Variants in FAT1 observed in about 807,000 individuals in gnomAD.
The protein encoded by FAT1 is protocadherin Fat 1.
Under a neutral mutation model 329.8 loss-of-function variants are expected in FAT1, and 171 were observed. The ratio of observed to expected loss-of-function variants is 0.52; its 90% CI spans 0.46 to 0.59. The LOEUF (loss-of-function observed/expected upper bound fraction) is 0.59, where lower values mean the gene tolerates loss of function less well. Ranked by LOEUF, FAT1 falls within the 20% of genes least tolerant of loss-of-function variation. The pLI is 0.00. For synonymous variants in FAT1, 2,233 were observed against 2,228.6 expected, an observed-to-expected ratio of 1.00 and a Z score of -0.06; for missense variants, 5,672 against 5,774.4, an observed-to-expected ratio of 0.98 and a Z score of 0.57.
At chr4:186,698,416 C>T (rs997696) in intron 2 of FAT1, among the ~76,000 whole-genome samples, 1 of 152,114 alleles carries the variant, frequency 6.6e-6, no homozygotes, top group Admixed American at 6.5e-5. Flanking sequence ...CAAAGACTTA[C>T]GTGCGCCCAC....
chr4:186,610,837 T>C (rs925322406), intron 14 of FAT1, among the ~76,000 whole-genome samples: 2 of 151,452 alleles, frequency 1.3e-5, no homozygotes, highest in African/African-American at 2.4e-5. Flanking sequence ...TGATGAAGCA[T>C]TCACGCAGCA....
At chr4:186,604,643 C>T in intron 17 of FAT1, 69 bp from the exon 18 acceptor site, 2 of 975,956 alleles carry the variant, frequency 2.0e-6, no homozygotes, top group Non-Finnish European at 3.0e-6. Context: ...GGGACAGACA[C>T]ATGAGTTTTC....
At chr4:186,598,192 A>G (rs2126404170) in intron 22 of FAT1, 67 bp from the exon 23 acceptor site, 1 of 1,371,532 alleles carries the variant, frequency 7.3e-7, no homozygotes, top group Non-Finnish European at 9.8e-7. Flanking sequence ...TCTTAATTAT[A>G]TTGCTTTTTA....
chr4:186,627,340 C>T (rs1212508247), intron 9 of FAT1, among the ~76,000 whole-genome samples: 2 of 152,124 alleles, frequency 1.3e-5, no homozygotes, highest in Non-Finnish European at 2.9e-5. Flanking sequence ...AACATGGCAC[C>T]TGACACATAA....
chr4:186,598,107 C>T lies in FAT1; in HGVS notation c.12122G>A (p.Ser4041Asn), dbSNP rs2126403353. ...ACAGTGGGTCCCTATGTACAAGGCA[C>T]TGCATTTGCAGTAATAACCTAAATC... ...SPAGGYYCKC[S>N]ALYIGTHCEI... is the part of the protein sequence containing the mutation. Residue 4041 changes from serine (S) to asparagine (N), a missense_variant, in exon 23 of 27, where the codon AGT (serine) becomes AAT (asparagine). Coordinates refer to ENST00000441802, the MANE Select transcript of FAT1 (RefSeq NM_005245.4). 2 of 1,608,866 alleles carry T rather than the reference C, an allele frequency of 1.2e-6. No individual in the cohort carries two copies. Among genetic ancestry groups the T allele is most frequent in the African/African-American group, 1.3e-5 (1 of 74,762 alleles).
At chr4:186,634,332 T>C (rs1579360381) in intron 6 of FAT1, among the ~76,000 whole-genome samples, 1 of 152,344 alleles carries the variant, frequency 6.6e-6, no homozygotes, top group East Asian at 1.9e-4. Flanking sequence ...TTTTCTCATT[T>C]TTGACAAACA....
chr4:186,707,529 T>C lies in FAT1; in HGVS notation c.2299A>G (p.Ile767Val), dbSNP rs2126689312. ...TTCAGCATTCCTGTTTCCATATCAA[T>C]CATGAAGCAACTATCCTCATTTCCT... ...SGGNEDSCFM[I>V]DMETGMLKIL... The change falls in exon 2 of 27, where the codon ATT (isoleucine) becomes GTT (valine). Residue 767 changes from isoleucine to valine, a missense_variant. Physicochemically the swap from Ile to Val is conservative, Grantham distance 29. Coordinates refer to ENST00000441802, the MANE Select transcript of FAT1 (RefSeq NM_005245.4). The C allele has an allele frequency of 8.7e-6, 14 of 1,614,010 alleles. No individual in the cohort carries two copies. The highest frequency in any genetic ancestry group is 1.2e-5 in the Non-Finnish European group (14 of 1,179,890).
chr4:186,688,674 C>T (rs1743605394), intron 2 of FAT1, among the ~76,000 whole-genome samples: 1 of 126,150 alleles, frequency 7.9e-6, no homozygotes, highest in Admixed American at 8.5e-5. Context: ...AAAAAACACA[C>T]ACCCTTCAGC....
At position 186,593,456 on chromosome 4, in the gene FAT1, G is replaced by A. The variant is rs77628973; in HGVS notation, c.13138+2233C>T. Among the ~76,000 whole-genome samples, 552 of 152,320 alleles carry A rather than the reference G, an allele frequency of 3.6e-3. 5 individuals are homozygous for A. Among genetic ancestry groups the A allele is most frequent in the African/African-American group, 0.013 (520 of 41,572 alleles). On this transcript the variant is annotated intron_variant, in intron 26 of 26. Coordinates refer to ENST00000441802, the MANE Select transcript of FAT1 (RefSeq NM_005245.4). The stretch of plus-strand genomic sequence containing the variant: ...GTCCACGTCCTAATCCCAGGAGCCT[G>A]TGAATATGTCACTATACATGGCAAA...
At position 186,595,800 on chromosome 4, in the gene FAT1, G is replaced by A. The variant is rs1261546277; in HGVS notation, c.13027C>T (p.Leu4343Phe). 1 of 1,613,972 alleles carries A rather than the reference G, an allele frequency of 6.2e-7. No homozygotes were observed. The highest frequency in any genetic ancestry group is 2.2e-5 in the East Asian group (1 of 44,884). ...DTKVVDLDPC[L>F]SKKPLEEKPS... ...TTTTCCTCTAGAGGCTTCTTGGAAA[G>A]ACAGGGATCAAGATCCACCACTTTT... is the stretch of plus-strand genomic sequence containing the variant. The change falls in exon 26 of 27, where the codon CTT becomes TTT. Residue 4343 changes from leucine (L) to phenylalanine (F), a missense_variant. Physicochemically the swap from Leu to Phe is conservative, Grantham distance 22. Transcript: ENST00000441802.
intron 1 of FAT1, among the ~76,000 whole-genome samples, chr4:186,720,214 C>CT (rs1211825402): frequency 6.6e-6 from 1 of 152,156 alleles, no homozygotes; most frequent in Non-Finnish European, 1.5e-5. Context: ...TTACTATTTT[C>CT]TTTGTTTCCT....
In FAT1 at chr4:186,597,964, A is replaced by T. The variant is rs760293297; in HGVS notation, c.12257+8T>A. On this transcript the variant is annotated splice_region_variant and intron_variant, in intron 23 of 26. Transcript: ENST00000441802. Reference sequence around the variant, plus strand: ...ATTGATTATGAAAGTTAAGAAAAATACACATACCTCTGACCAGTATATAAT... The same window carrying T: ...ATTGATTATGAAAGTTAAGAAAAATTCACATACCTCTGACCAGTATATAAT... 5.0e-6 allele frequency: 8 copies of T among 1,594,170 alleles called. No individual in the cohort carries two copies. Among genetic ancestry groups the T allele is most frequent in the Non-Finnish European group, 6.8e-6 (8 of 1,173,036 alleles).
At chr4:186,682,829 G>A (rs1000311686) in intron 2 of FAT1, among the ~76,000 whole-genome samples, 58 of 152,290 alleles carry the variant, frequency 3.8e-4, no homozygotes, top group African/African-American at 1.4e-3. Context: ...GGGCCCCAAG[G>A]GGGAACCAGG....
At chr4:186,688,111 G>C (rs1431907714) in intron 2 of FAT1, among the ~76,000 whole-genome samples, 3 of 117,664 alleles carry the variant, frequency 2.5e-5, no homozygotes, top group East Asian at 5.0e-4. Context: ...GAGACTCAAA[G>C]CTGAAAAAAA....
Position 186,614,172 on chromosome 4 carries a change from T to A in FAT1, c.9229+19A>T. 6.3e-7 allele frequency: 1 copy of A among 1,582,092 alleles called. No homozygotes were observed. Reference sequence around the variant, plus strand: ...CTGTTGGAATATACAATTTATTTTGTCCCAAACTCCATCATTACCTGTGTC... The same window carrying A: ...CTGTTGGAATATACAATTTATTTTGACCCAAACTCCATCATTACCTGTGTC... On this transcript the variant is annotated intron_variant, in intron 12 of 26. Transcript: ENST00000441802.
chr4:186,673,248 G>A (rs1742812695), intron 2 of FAT1, among the ~76,000 whole-genome samples: 1 of 152,068 alleles, frequency 6.6e-6, no homozygotes, highest in Admixed American at 6.6e-5. Context: ...TGTAACCATG[G>A]ATTTAAAAAT....
At chr4:186,651,698 C>G (rs190488060) in intron 3 of FAT1, among the ~76,000 whole-genome samples, 1 of 152,288 alleles carries the variant, frequency 6.6e-6, no homozygotes, top group East Asian at 1.9e-4. Flanking sequence ...TCCGCTTCTG[C>G]AAAACACAGA....
At chr4:186,700,260 C>T (rs1431168417) in intron 2 of FAT1, among the ~76,000 whole-genome samples, 1 of 152,206 alleles carries the variant, frequency 6.6e-6, no homozygotes, top group Non-Finnish European at 1.5e-5. Flanking sequence ...CAACAATTAA[C>T]GTCCTGTCCA....
In FAT1 at chr4:186,588,721, G is replaced by A. The variant is rs376718741; in HGVS notation, c.13638C>T (p.Cys4546=). ...PMSVYASTAS[C]SDVSACCEVE... ...CTTCGCAGCAGGCTGACACGTCAGA[G>A]CAGGAGGCGGTGGAGGCGTACACAG... The change falls in exon 27 of 27, where the codon TGC becomes TGT. Residue 4546 remains cysteine (C), a synonymous_variant. Coordinates refer to ENST00000441802, the MANE Select transcript of FAT1 (RefSeq NM_005245.4). The A allele has an allele frequency of 6.2e-6, 10 of 1,613,880 alleles. No homozygotes were observed. The highest frequency in any genetic ancestry group is 5.5e-5 in the South Asian group (5 of 91,090).
Sources: allele counts gnomAD v4.1 joint callset (sites outside exome capture counted in the v4.1 genomes callset), GRCh38; gene constraint gnomAD v4.1.1; transcripts MANE v1.5; gene names NCBI Gene and HGNC (gene_info 2026-07-23, HGNC 2026-07-21).